The following EMSY variants were observed in gnomAD, a reference collection of about 807,000 sequenced individuals.
EMSY encodes EMSY transcriptional repressor, BRCA2 interacting.
In EMSY, 26 loss-of-function variants were observed where a neutral mutation model predicts 134.6. The ratio of observed to expected loss-of-function variants is 0.19; its 90% CI spans 0.14 to 0.27. EMSY has a LOEUF of 0.27. Among genes scored for constraint, EMSY ranks in the 10% least tolerant of loss-of-function variants. The pLI, the probability that EMSY is intolerant of heterozygous loss-of-function variation, is 1.00. For synonymous variants in EMSY, 579 were observed against 577.8 expected (o/e 1.00, Z -0.03); for missense variants, 1,305 against 1,611.4 (o/e 0.81, Z 3.26).
intron 17 of EMSY, 84 bp downstream of exon 18, chr11:76,539,724 ACT>A: frequency 7.7e-7 from 1 of 1,296,522 alleles, no homozygotes; most frequent in Non-Finnish European, 1.1e-6. Context: ...GATGCGCTCT[ACT>A]CTCATCTGGT....
chr11:76,528,117 A>G, intron 13 of EMSY, 151 bp from the exon 15 acceptor site: 2 of 679,226 alleles, frequency 2.9e-6, no homozygotes, highest in South Asian at 3.9e-5. Context: ...TGTAGATTGA[A>G]TTACCCTTTG....
chr11:76,501,592 GAAGA>G (rs1336229243), intron 9 of EMSY, among the ~76,000 whole-genome samples: 4 of 135,718 alleles, frequency 2.9e-5, no homozygotes, highest in Non-Finnish European at 4.9e-5. Flanking sequence ...TGAACTGGCA[GAAGA>G]AAGAATTTGC....
At chr11:76,472,989 C>A in intron 8 of EMSY, 149 bp downstream of exon 9, 1 of 789,746 alleles carries the variant, frequency 1.3e-6, no homozygotes, top group Non-Finnish European at 2.0e-6. Flanking sequence ...TTGAGAATGT[C>A]AAGATGGTCG....
intron 7 of EMSY, among the ~76,000 whole-genome samples, chr11:76,469,322 A>AG (rs916157973): frequency 2.1e-4 from 32 of 152,196 alleles, no homozygotes; most frequent in Non-Finnish European, 2.8e-4. Context: ...AGTCCTTATA[A>AG]GCATTGTGCT....
At chr11:76,506,662 A>G (rs1950088710) in intron 9 of EMSY, among the ~76,000 whole-genome samples, 1 of 152,170 alleles carries the variant, frequency 6.6e-6, no homozygotes, top group African/African-American at 2.4e-5. Context: ...TACTGAGATA[A>G]CATCCACCCG....
intron 14 of EMSY, among the ~76,000 whole-genome samples, chr11:76,530,795 G>C (rs977525993): frequency 6.6e-6 from 1 of 152,142 alleles, no homozygotes. Context: ...TAAGATGTTG[G>C]TTGGTCTCAG....
At chr11:76,513,301 G>A in intron 9 of EMSY, 85 bp from the exon 11 acceptor site, 1 of 1,307,584 alleles carries the variant, frequency 7.6e-7, no homozygotes, top group Non-Finnish European at 1.0e-6. Flanking sequence ...GAGTAAATGT[G>A]TGTGACTACT....
At chr11:76,480,123 C>T (rs1482024133) in intron 8 of EMSY, among the ~76,000 whole-genome samples, 1 of 152,180 alleles carries the variant, frequency 6.6e-6, no homozygotes, top group Non-Finnish European at 1.5e-5. Context: ...CAGAACAAGT[C>T]AGTAATGCTG....
chr11:76,517,437 A>G (rs1950485449), intron 11 of EMSY, among the ~76,000 whole-genome samples: 1 of 152,248 alleles, frequency 6.6e-6, no homozygotes, highest in South Asian at 2.1e-4. Context: ...ATATCTTTAC[A>G]TAGTATAAAG....
At chr11:76,546,716 T>TG (rs1951668116) in intron 20 of EMSY, among the ~76,000 whole-genome samples, 1 of 152,334 alleles carries the variant, frequency 6.6e-6, no homozygotes, top group Non-Finnish European at 1.5e-5. Context: ...CAAGTTAATT[T>TG]GGGGGACCCT....
chr11:76,494,706 CCTTCCTTCCTTCCTTCCTTCCT>C (rs1949572126), intron 8 of EMSY, among the ~76,000 whole-genome samples: 6 of 121,172 alleles, frequency 5.0e-5, no homozygotes, highest in South Asian at 3.2e-4. Flanking sequence ...TTCCTTCCTT[CCTTCCTTCCTTCCTTCCTTCCT>C]TCCTTCCTTT....
At chr11:76,457,393 C>T (rs1045147925) in intron 4 of EMSY, among the ~76,000 whole-genome samples, 6 of 152,134 alleles carry the variant, frequency 3.9e-5, no homozygotes, top group African/African-American at 1.2e-4. Context: ...GATACAACTA[C>T]GTTTTGATAT....
At chr11:76,509,802 C>T (rs1283753790) in intron 9 of EMSY, among the ~76,000 whole-genome samples, 1 of 152,124 alleles carries the variant, frequency 6.6e-6, no homozygotes, top group East Asian at 1.9e-4. Flanking sequence ...TTGTTAATGG[C>T]AAGGGAGAAC....
At chr11:76,474,332 G>T (rs1948695545) in intron 8 of EMSY, among the ~76,000 whole-genome samples, 1 of 152,076 alleles carries the variant, frequency 6.6e-6, no homozygotes, top group Non-Finnish European at 1.5e-5. Flanking sequence ...GTCTGTCAAA[G>T]GGAGCTTGGA....
exon 10 of EMSY, chr11:76,513,478 A>G (rs753236718): frequency 4.3e-5 from 69 of 1,613,588 alleles, no homozygotes; most frequent in Middle Eastern, 1.6e-4. Context: ...TTCCCCTATT[A>G]TGGTGGTTAG....
At chr11:76,494,793 T>G (rs1489690725) in intron 8 of EMSY, among the ~76,000 whole-genome samples, 1 of 151,744 alleles carries the variant, frequency 6.6e-6, no homozygotes, top group Non-Finnish European at 1.5e-5. Flanking sequence ...TGGAGTGCAG[T>G]AATGCCATCT....
intron 14 of EMSY, among the ~76,000 whole-genome samples, chr11:76,532,027 A>G (rs906029165): frequency 2.6e-5 from 4 of 152,230 alleles, no homozygotes; most frequent in Admixed American, 2.6e-4. Context: ...GATCACCCTG[A>G]GAGGATTCAT....
chr11:76,454,175 T>A (rs1206065082), intron 4 of EMSY, among the ~76,000 whole-genome samples: 2 of 152,212 alleles, frequency 1.3e-5, no homozygotes, highest in Non-Finnish European at 2.9e-5. Context: ...AGGGAAAAAT[T>A]CAGTGCATTT....
intron 2 of EMSY, among the ~76,000 whole-genome samples, chr11:76,449,941 CAT>C (rs144676900): frequency 0.032 from 4,830 of 152,218 alleles, 105 homozygotes; most frequent in Non-Finnish European, 0.047. Flanking sequence ...CAAGTACAGA[CAT>C]ATTTTTACTG....
Sources: allele counts gnomAD v4.1 joint callset (sites outside exome capture counted in the v4.1 genomes callset), GRCh38; gene constraint gnomAD v4.1.1; transcripts MANE v1.5; gene names NCBI Gene and HGNC (gene_info 2026-07-23, HGNC 2026-07-21).